ARMC8: variants seen among roughly 807,000 people sequenced by gnomAD.
ARMC8 encodes armadillo repeat-containing protein 8.
ARMC8 carries 20 observed loss-of-function variants against 99.3 expected under a neutral mutation model. That is an observed-to-expected ratio of 0.20 (90% CI 0.14 to 0.29). ARMC8 has a LOEUF of 0.29. ARMC8 is among the 10% of genes least tolerant of loss of function. The probability of loss-of-function intolerance (pLI) is 1.00; values close to 1 mark genes in which losing one functional copy is unlikely to be tolerated. For missense variants in ARMC8, 569 were observed against 809.5 expected, an observed-to-expected ratio of 0.70 and a Z score of 3.60; for synonymous variants, 263 against 278.3, an observed-to-expected ratio of 0.95 and a Z score of 0.55.
At chr3:138,284,906 T>A (rs1469145916) in intron 19 of ARMC8, among the ~76,000 whole-genome samples, 1 of 151,952 alleles carries the variant, frequency 6.6e-6, no homozygotes, top group East Asian at 1.9e-4. Context: ...CCTTTACCTG[T>A]TTGCTTCTAA....
At chr3:138,226,345 C>T (rs2045697439) in intron 5 of ARMC8, among the ~76,000 whole-genome samples, 1 of 152,208 alleles carries the variant, frequency 6.6e-6, no homozygotes, top group Admixed American at 6.5e-5. Flanking sequence ...TTCAGGGAGT[C>T]ATGCCTCATA....
chr3:138,188,498 G>A, intron 1 of ARMC8: 1 of 1,613,592 alleles, frequency 6.2e-7, no homozygotes, highest in East Asian at 2.2e-5. Flanking sequence ...GAAGGATTTT[G>A]CAACAAATTC....
At chr3:138,270,649 CTAAT>C (rs1340465650) in intron 16 of ARMC8, among the ~76,000 whole-genome samples, 2 of 152,026 alleles carry the variant, frequency 1.3e-5, no homozygotes, top group Non-Finnish European at 2.9e-5. Flanking sequence ...CTAATTTGAG[CTAAT>C]TAATTAACAT....
chr3:138,201,599 T>C (rs2044085504), intron 1 of ARMC8, among the ~76,000 whole-genome samples: 1 of 151,494 alleles, frequency 6.6e-6, no homozygotes, highest in Non-Finnish European at 1.5e-5. Flanking sequence ...GTAGGTAGCA[T>C]TACAGGCACA....
intron 1 of ARMC8, among the ~76,000 whole-genome samples, chr3:138,205,715 A>T (rs2108009996): frequency 6.6e-6 from 1 of 152,232 alleles, no homozygotes; most frequent in Non-Finnish European, 1.5e-5. Flanking sequence ...AGGTGGGAGG[A>T]TCGCTTGAGG....
intron 1 of ARMC8, among the ~76,000 whole-genome samples, chr3:138,200,082 C>G (rs1382642870): frequency 1.3e-5 from 2 of 152,102 alleles, no homozygotes; most frequent in Non-Finnish European, 2.9e-5. Context: ...ACTTTTTTGG[C>G]TATCTTGAAG....
At chr3:138,187,912 A>T in intron 1 of ARMC8, 1 of 429,112 alleles carries the variant, frequency 2.3e-6, no homozygotes, top group South Asian at 4.0e-5. Context: ...CAAGCGTTTC[A>T]CTGAGCCTTC....
Position 138,241,953 on chromosome 3 carries a change from C to T in ARMC8, c.1008C>T (p.Ser336=). The change falls in exon 11 of 22, where the codon AGC becomes AGT. Residue 336 remains serine (S), a synonymous_variant. Coordinates refer to ENST00000469044, the MANE Select transcript of ARMC8 (RefSeq NM_001363941.2). ...AMLADYFKYP[S]SVSAITDIKR... is the part of the protein sequence containing the mutation. ...TTGCTGATTATTTCAAGTATCCCAG[C>T]TCAGTGAGTGCCATCACTGATATTA... 6.2e-7 allele frequency: 1 copy of T among 1,614,010 alleles called. No individual in the cohort carries two copies.
chr3:138,259,165 C>T (rs994491746), intron 12 of ARMC8, among the ~76,000 whole-genome samples: 15 of 152,166 alleles, frequency 9.9e-5, no homozygotes, highest in African/African-American at 2.7e-4. Context: ...AAAGGCACCA[C>T]GGAGGACATG....
intron 1 of ARMC8, among the ~76,000 whole-genome samples, chr3:138,206,525 A>G (rs1171130191): frequency 6.6e-6 from 1 of 152,228 alleles, no homozygotes; most frequent in African/African-American, 2.4e-5. Flanking sequence ...TTTGCCTAAA[A>G]AAAGCTCTAC....
intron 12 of ARMC8, among the ~76,000 whole-genome samples, chr3:138,255,776 T>C (rs914886657): frequency 2.6e-5 from 4 of 152,132 alleles, no homozygotes; most frequent in African/African-American, 9.7e-5. Context: ...GGTCAGGAGC[T>C]CAAGACCAGC....
At chr3:138,194,370 C>G (rs1250740611) in intron 1 of ARMC8, among the ~76,000 whole-genome samples, 2 of 109,748 alleles carry the variant, frequency 1.8e-5, no homozygotes, top group Non-Finnish European at 3.6e-5. Context: ...GAGACGGAGT[C>G]TCTGTCGCCC....
intron 1 of ARMC8, among the ~76,000 whole-genome samples, chr3:138,203,778 T>C (rs1053455991): frequency 6.6e-6 from 1 of 152,228 alleles, no homozygotes; most frequent in African/African-American, 2.4e-5. Flanking sequence ...ATAATACTTT[T>C]CCACAATGGA....
intron 19 of ARMC8, 107 bp downstream of exon 19, chr3:138,284,633 A>G (rs1280496401): frequency 1.3e-6 from 1 of 779,586 alleles, no homozygotes; most frequent in Non-Finnish European, 2.1e-6. Context: ...AGAATAGATT[A>G]CTCTGTGACT....
chr3:138,216,183 C>G (rs547708499), intron 2 of ARMC8, among the ~76,000 whole-genome samples: 1 of 151,616 alleles, frequency 6.6e-6, no homozygotes, highest in East Asian at 1.9e-4. Flanking sequence ...CAAATCAGAA[C>G]TGTATCTGAA....
chr3:138,240,279 C>G (rs184952504), intron 10 of ARMC8, among the ~76,000 whole-genome samples: 1 of 152,216 alleles, frequency 6.6e-6, no homozygotes. Context: ...TATGAGATCT[C>G]ACATTATCAT....
In ARMC8 at chr3:138,241,320, A is replaced by T. The variant is rs575279211; in HGVS notation, c.838-463A>T. Among the ~76,000 whole-genome samples the T allele has an allele frequency of 2.6e-5, 4 of 152,230 alleles. No individual in the cohort carries two copies. In the South Asian group the frequency reaches 8.3e-4, roughly 32 times the overall value. On this transcript the variant is annotated intron_variant, in intron 10 of 21. Coordinates refer to ENST00000469044, the MANE Select transcript of ARMC8 (RefSeq NM_001363941.2). The stretch of plus-strand genomic sequence containing the variant: ...TTTTGTTTTGGCAACTGTAGGTATG[A>T]CTCCCCAAACCAAAAAATAAACGAT...
chr3:138,214,101 G>A (rs1181048521), intron 2 of ARMC8, among the ~76,000 whole-genome samples: 1 of 151,366 alleles, frequency 6.6e-6, no homozygotes, highest in African/African-American at 2.4e-5. Context: ...GCAGTGAGCC[G>A]AGATTATGCC....
At position 138,263,794 on chromosome 3, in the gene ARMC8, G is replaced by C. The variant is rs1216348566; in HGVS notation, c.1190G>C (p.Ser397Thr). ...ATTGTGACTGGCTTGTCTGAGTCTA[G>C]TGTCAAGGTGCGGTTAGCTGCCGTC... The part of the protein sequence containing the change: ...DRIVTGLSES[S>T]VKVRLAAVRC... Residue 397 changes from serine (S) to threonine (T), a missense_variant, in exon 13 of 22, where the codon AGT becomes ACT. Physicochemically the swap from Ser to Thr is moderately conservative, Grantham distance 58 (BLOSUM62 1). Around this residue, in one of 2 missense-constraint regions of ARMC8, gnomAD observed 227 missense variants for 417.9 expected, o/e 0.54. Coordinates refer to ENST00000469044, the MANE Select transcript of ARMC8 (RefSeq NM_001363941.2). 1.2e-6 allele frequency: 2 copies of C among 1,613,904 alleles called. No homozygotes were observed. Among genetic ancestry groups the C allele is most frequent in the African/African-American group, 2.7e-5 (2 of 74,932 alleles).
Sources: allele counts gnomAD v4.1 joint callset (sites outside exome capture counted in the v4.1 genomes callset), GRCh38; gene constraint gnomAD v4.1.1; regional missense constraint gnomAD v4.1.1; transcripts MANE v1.5; gene names NCBI Gene and HGNC (gene_info 2026-07-23, HGNC 2026-07-21).